Variants in CCSER2 observed in about 807,000 individuals in gnomAD.
The protein encoded by CCSER2 is coiled-coil serine rich protein 2.
CCSER2 carries 46 observed loss-of-function variants against 92.3 expected under a neutral mutation model. The ratio of observed to expected loss-of-function variants is 0.50; its 90% CI spans 0.39 to 0.64. CCSER2 has a LOEUF of 0.64. Among genes scored for constraint, CCSER2 ranks in the 30% least tolerant of loss-of-function variants. The probability of loss-of-function intolerance (pLI) is 0.00; values close to 1 mark genes in which losing one functional copy is unlikely to be tolerated. For synonymous variants in CCSER2, 433 were observed against 431.4 expected, an observed-to-expected ratio of 1.00 and a Z score of -0.04; for missense variants, 1,244 against 1,238.9, an observed-to-expected ratio of 1.00 and a Z score of -0.06.
intron 9 of CCSER2, among the ~76,000 whole-genome samples, chr10:84,479,016 T>C (rs191059292): frequency 3.7e-4 from 56 of 152,306 alleles, no homozygotes; most frequent in African/African-American, 1.3e-3. Context: ...ATAGGGATGT[T>C]ATGCCTTATA....
At chr10:84,457,692 A>T (rs1433023027) in intron 6 of CCSER2, among the ~76,000 whole-genome samples, 1 of 126,178 alleles carries the variant, frequency 7.9e-6, no homozygotes, top group Non-Finnish European at 1.6e-5. Context: ...AATTATATAT[A>T]TTTATATATA....
chr10:84,417,058 A>G (rs1193232497), intron 3 of CCSER2, among the ~76,000 whole-genome samples: 1 of 152,240 alleles, frequency 6.6e-6, no homozygotes, highest in African/African-American at 2.4e-5. Context: ...GATTGTAAGG[A>G]CGCACCAGTG....
At chr10:84,424,235 T>A (rs1411401646) in intron 4 of CCSER2, among the ~76,000 whole-genome samples, 1 of 151,504 alleles carries the variant, frequency 6.6e-6, no homozygotes, top group Non-Finnish European at 1.5e-5. Context: ...TTTTTGGACA[T>A]AATGGTCACC....
rs1396183872 is a variant in CCSER2, at chr10:84,514,218, G to T, written c.3095G>T (p.Cys1032Phe). 1.3e-6 allele frequency: 2 copies of T among 1,536,516 alleles called. No homozygotes were observed. Among genetic ancestry groups the T allele is most frequent in the African/African-American group, 2.7e-5 (2 of 73,164 alleles). ...AATGGCAATTTGCATTCTGGGGATT[G>T]TTTGGCCTCTAATCGATATTCTCGT... ...NPNGNLHSGD[C>F]LASNRYSRLP... is the part of the protein sequence containing the mutation. Residue 1032 changes from cysteine to phenylalanine, a missense_variant, in exon 10 of 10, where the codon TGT becomes TTT. By Grantham distance (205) the Cys-to-Phe change is radical. Transcript: ENST00000372088.
intron 1 of CCSER2, among the ~76,000 whole-genome samples, chr10:84,368,803 C>T (rs1845916378): frequency 1.3e-5 from 2 of 152,110 alleles, no homozygotes; most frequent in Admixed American, 1.3e-4. Flanking sequence ...TACCCTACTA[C>T]ATTGTGTAGT....
chr10:84,420,305 A>T (rs780224192), intron 4 of CCSER2, among the ~76,000 whole-genome samples: 3 of 152,204 alleles, frequency 2.0e-5, no homozygotes, highest in African/African-American at 7.2e-5. Context: ...AGTACTTTAG[A>T]TTTTTCTAGA....
chr10:84,391,114 T>A, intron 3 of CCSER2: 1 of 782,262 alleles, frequency 1.3e-6, no homozygotes, highest in South Asian at 1.3e-5. Context: ...ATGGAACATG[T>A]TAAATGGTGA....
intron 3 of CCSER2, among the ~76,000 whole-genome samples, chr10:84,412,683 G>T (rs891565813): frequency 2.0e-5 from 3 of 152,202 alleles, no homozygotes; most frequent in African/African-American, 7.2e-5. Flanking sequence ...GGGAGCCCAT[G>T]CTATTTATTG....
intron 8 of CCSER2, among the ~76,000 whole-genome samples, chr10:84,472,077 GA>G (rs1456565494): frequency 1.3e-5 from 2 of 151,984 alleles, no homozygotes; most frequent in African/African-American, 4.8e-5. Flanking sequence ...AGACGAAGTA[GA>G]AAAATAAGGA....
At chr10:84,348,514 AAGGGCG>A (rs1039516107) in intron 1 of CCSER2, among the ~76,000 whole-genome samples, 37 of 151,736 alleles carry the variant, frequency 2.4e-4, no homozygotes, top group African/African-American at 5.1e-4. Flanking sequence ...GGGAGAGGGC[AAGGGCG>A]AGGGCGAGGG....
chr10:84,466,508 G>GTTT (rs573093442), intron 7 of CCSER2, among the ~76,000 whole-genome samples: 9 of 138,782 alleles, frequency 6.5e-5, no homozygotes, highest in Non-Finnish European at 9.4e-5. Flanking sequence ...TGTTTTTTTG[G>GTTT]TTTTTTTTTT....
At chr10:84,493,354 G>A (rs914447871) in intron 9 of CCSER2, among the ~76,000 whole-genome samples, 5 of 152,026 alleles carry the variant, frequency 3.3e-5, no homozygotes, top group Non-Finnish European at 2.9e-5. Context: ...TTCTTTGTCA[G>A]TCTTGCTAGT....
At chr10:84,374,704 C>A (rs1846237302) in intron 3 of CCSER2, among the ~76,000 whole-genome samples, 1 of 152,158 alleles carries the variant, frequency 6.6e-6, no homozygotes, top group African/African-American at 2.4e-5. Context: ...AGAAACATGG[C>A]AAGTAATGTG....
chr10:84,461,402 CCTT>C (rs753944607), intron 6 of CCSER2, among the ~76,000 whole-genome samples: 12 of 152,124 alleles, frequency 7.9e-5, no homozygotes, highest in Non-Finnish European at 1.6e-4. Context: ...CCACCCCTAT[CCTT>C]CTGTGACTTC....
intron 9 of CCSER2, among the ~76,000 whole-genome samples, chr10:84,504,739 T>C (rs1053674998): frequency 2.6e-5 from 4 of 152,250 alleles, no homozygotes; most frequent in Non-Finnish European, 5.9e-5. Flanking sequence ...TTTTAATGTC[T>C]TAAGTACTTT....
chr10:84,496,520 C>T (rs1320472870), intron 9 of CCSER2, among the ~76,000 whole-genome samples: 6 of 151,778 alleles, frequency 4.0e-5, no homozygotes, highest in Non-Finnish European at 8.8e-5. Flanking sequence ...CTCCTGACCT[C>T]GTGATCTGCC....
At chr10:84,412,679 C>T (rs1052857299) in intron 3 of CCSER2, among the ~76,000 whole-genome samples, 3 of 152,102 alleles carry the variant, frequency 2.0e-5, no homozygotes, top group African/African-American at 7.2e-5. Flanking sequence ...TTCTGGGAGC[C>T]CATGCTATTT....
At chr10:84,483,146 A>G (rs1351415257) in intron 9 of CCSER2, among the ~76,000 whole-genome samples, 3 of 152,174 alleles carry the variant, frequency 2.0e-5, no homozygotes, top group African/African-American at 7.2e-5. Flanking sequence ...TGGTCACAGC[A>G]CTTTGGGAGG....
chr10:84,391,102 A>G lies in CCSER2; in HGVS notation c.1614+17287A>G, dbSNP rs1841493573. On this transcript the variant is annotated intron_variant, in intron 3 of 9. Coordinates refer to ENST00000372088, the MANE Select transcript of CCSER2 (RefSeq NM_001284240.2). The stretch of plus-strand genomic sequence containing the variant: ...GATGCTAATGCCTCCACTGACCCAG[A>G]AATGGAACATGTTAAATGGTGAAGA... The G allele has an allele frequency of 6.4e-6, 5 of 781,400 alleles. No homozygotes were observed. The Admixed American group carries it at 8.5e-5, about 13-fold the overall frequency. The allele number at this position is 781,400 out of a possible 1,614,324, so 48.4% of individuals were successfully genotyped here. A position where few individuals can be genotyped will look rare whatever the true frequency, so the allele number is the denominator to read the frequency against.
Sources: allele counts gnomAD v4.1 joint callset (sites outside exome capture counted in the v4.1 genomes callset), GRCh38; gene constraint gnomAD v4.1.1; transcripts MANE v1.5; gene names NCBI Gene and HGNC (gene_info 2026-07-23, HGNC 2026-07-21).